Variants in GRXCR2 observed in about 807,000 individuals in gnomAD.
The protein encoded by GRXCR2 is glutaredoxin domain-containing cysteine-rich protein 2.
Under a neutral mutation model 24.8 loss-of-function variants are expected in GRXCR2, and 23 were observed. The ratio of observed to expected loss-of-function variants is 0.93; its 90% confidence interval spans 0.67 to 1.32. The LOEUF is 1.32. Among genes scored for constraint, GRXCR2 ranks in the 40% most tolerant of loss-of-function variants. The probability of loss-of-function intolerance (pLI) is 0.00; values close to 1 mark genes in which losing one functional copy is unlikely to be tolerated. For missense variants in GRXCR2, 315 were observed against 303.4 expected, an observed-to-expected ratio of 1.04 and a Z score of -0.28; for synonymous variants, 130 against 116.1, an observed-to-expected ratio of 1.12 and a Z score of -0.77.
intron 2 of GRXCR2, among the ~76,000 whole-genome samples, chr5:145,914,960 T>G (rs983890023): frequency 3.3e-5 from 5 of 152,222 alleles, no homozygotes; most frequent in African/African-American, 1.2e-4. Context: ...GCGTGGGGAC[T>G]TGCATTAGGA....
chr5:145,889,189 A>AAAGAAAGAAAGAAAGAAAGAAAGAAAGG (rs1756823950), intron 2 of GRXCR2, among the ~76,000 whole-genome samples: 16 of 139,684 alleles, frequency 1.1e-4, no homozygotes, highest in African/African-American at 4.3e-4. Context: ...AGAAAGAAAG[A>AAAGAAAGAAAGAAAGAAAGAAAGAAAGG]AAGAAAGAAA....
chr5:145,887,148 T>C (rs900679048), intron 2 of GRXCR2, among the ~76,000 whole-genome samples: 14 of 152,216 alleles, frequency 9.2e-5, no homozygotes, highest in Admixed American at 9.2e-4. Flanking sequence ...CAGGCTGGAG[T>C]GCAGTAGCAC....
At chr5:145,899,837 A>C (rs914830735) in intron 2 of GRXCR2, among the ~76,000 whole-genome samples, 2 of 152,132 alleles carry the variant, frequency 1.3e-5, no homozygotes, top group Non-Finnish European at 2.9e-5. Flanking sequence ...CATTCTGGAC[A>C]TGGGCCTTGG....
intron 2 of GRXCR2, among the ~76,000 whole-genome samples, chr5:145,890,803 C>A (rs1756852756): frequency 1.3e-5 from 2 of 151,412 alleles, no homozygotes; most frequent in Non-Finnish European, 2.9e-5. Flanking sequence ...GTCTAAACAC[C>A]CCGTTTAAAA....
At chr5:145,875,545 C>G (rs1161243124), upstream of GRXCR2, among the ~76,000 whole-genome samples, 1 of 147,362 alleles carries the variant, frequency 6.8e-6, no homozygotes, top group Admixed American at 6.7e-5. Context: ...GAGACTCCAT[C>G]AAAAAAAAAT....
At chr5:145,860,874 T>G (rs1756325782) in intron 2 of GRXCR2, among the ~76,000 whole-genome samples, 1 of 152,120 alleles carries the variant, frequency 6.6e-6, no homozygotes, top group Admixed American at 6.6e-5. Context: ...TGTCAGATCA[T>G]AGGTGCACCT....
At chr5:145,921,387 T>C (rs1195331103) in intron 2 of GRXCR2, among the ~76,000 whole-genome samples, 1 of 152,136 alleles carries the variant, frequency 6.6e-6, no homozygotes, top group African/African-American at 2.4e-5. Context: ...TCTACAGCAA[T>C]TGTGGGACTT....
intron 2 of GRXCR2, among the ~76,000 whole-genome samples, chr5:145,888,941 A>C (rs763241474): frequency 6.6e-6 from 1 of 152,078 alleles, no homozygotes; most frequent in Non-Finnish European, 1.5e-5. Context: ...TGGGAGGCCG[A>C]GGTGGGCAGG....
intron 2 of GRXCR2, among the ~76,000 whole-genome samples, chr5:145,886,143 T>C (rs1401978260): frequency 1.3e-5 from 2 of 152,268 alleles, no homozygotes; most frequent in African/African-American, 4.8e-5. Flanking sequence ...GGCTTCTGAA[T>C]ATACGATCAG....
At position 145,898,618 on chromosome 5, in the gene GRXCR2, G is replaced by A. The variant is rs1323208891; in HGVS notation, c.-69-31890C>T. On this transcript the variant is annotated intron_variant, in intron 2 of 3. Coordinates refer to the GRXCR2 transcript ENST00000639411. ...ATAGGCTTCATTCCTGGGATGCAAG[G>A]TTGGTTCAACATACACAAGTAATAA... 3.3e-5 allele frequency among the ~76,000 whole-genome samples: 5 copies of A among 152,158 alleles called. No homozygotes were observed. In the East Asian group the frequency reaches 5.8e-4, roughly 18 times the overall value.
intron 2 of GRXCR2, among the ~76,000 whole-genome samples, chr5:145,889,174 A>AAGAAAGAT: frequency 1.3e-5 from 1 of 77,992 alleles, no homozygotes; most frequent in East Asian, 3.4e-4. Flanking sequence ...GTCTCAAAAA[A>AAGAAAGAT]AGAAAGAAAG....
chr5:145,877,149 A>G (rs1756630674), upstream of GRXCR2, among the ~76,000 whole-genome samples: 1 of 152,210 alleles, frequency 6.6e-6, no homozygotes, highest in African/African-American at 2.4e-5. Flanking sequence ...AAAGAAAGAT[A>G]TTTATTTAAA....
intron 2 of GRXCR2, among the ~76,000 whole-genome samples, chr5:145,897,027 C>G (rs550370818): frequency 2.6e-4 from 39 of 150,526 alleles, no homozygotes; most frequent in African/African-American, 8.5e-4. Flanking sequence ...AGCAAACTAT[C>G]GCAAGGACAA....
chr5:145,865,596 A>G (rs28404869), intron 2 of GRXCR2, among the ~76,000 whole-genome samples: 2,237 of 152,306 alleles, frequency 0.015, 64 homozygotes, highest in African/African-American at 0.051. Context: ...TGTGGTACCC[A>G]AGGGACCCTG....
chr5:145,877,091 T>A (rs1004810870), upstream of GRXCR2, among the ~76,000 whole-genome samples: 4 of 151,966 alleles, frequency 2.6e-5, no homozygotes, highest in Non-Finnish European at 5.9e-5. Context: ...ATGAAAAAAA[T>A]CCATTGCTTT....
downstream of GRXCR2, chr5:145,858,482 A>T (rs1756277793): frequency 1.3e-5 from 2 of 152,210 alleles, no homozygotes; most frequent in African/African-American, 2.4e-5. Flanking sequence ...GTAACTCCTG[A>T]GTATGAAAGG....
chr5:145,930,751 T>C (rs1309192534), intron 2 of GRXCR2, among the ~76,000 whole-genome samples: 4 of 152,200 alleles, frequency 2.6e-5, no homozygotes, highest in Non-Finnish European at 5.9e-5. Flanking sequence ...ATGAGAACCA[T>C]CTGGCATCTG....
chr5:145,928,140 A>G (rs1367345403), intron 2 of GRXCR2, among the ~76,000 whole-genome samples: 1 of 152,044 alleles, frequency 6.6e-6, no homozygotes, highest in East Asian at 1.9e-4. Context: ...CAGCCAACAG[A>G]CACATGAAAA....
chr5:145,870,804 G>A (rs1375029324), intron 1 of GRXCR2, among the ~76,000 whole-genome samples: 9 of 152,148 alleles, frequency 5.9e-5, no homozygotes, highest in African/African-American at 2.2e-4. Context: ...TGGGGCACTT[G>A]ATCAGGAAAC....
Sources: gnomAD v4.1 joint callset for allele counts (sites outside exome capture counted in the v4.1 genomes callset) on GRCh38, gnomAD v4.1.1 for gene constraint, MANE v1.5 for transcripts, NCBI Gene and HGNC (gene_info 2026-07-23, HGNC 2026-07-21) for gene names.